LMNB1: variants seen among roughly 807,000 people sequenced by gnomAD.
LMNB1 encodes lamin-B1.
In LMNB1, 23 loss-of-function variants were observed where a neutral mutation model predicts 67.1. The ratio of observed to expected loss-of-function variants is 0.34; its 90% confidence interval spans 0.25 to 0.49. The LOEUF is 0.49. Ranked by LOEUF, LMNB1 falls within the 20% of genes least tolerant of loss-of-function variation. The pLI is 0.99. For missense variants in LMNB1, 634 were observed against 746.5 expected, an observed-to-expected ratio of 0.85 and a Z score of 1.76; for synonymous variants, 281 against 282.9, an observed-to-expected ratio of 0.99 and a Z score of 0.07.
chr5:126,814,971 C>G (rs556222541), intron 5 of LMNB1, among the ~76,000 whole-genome samples: 1 of 152,246 alleles, frequency 6.6e-6, no homozygotes, highest in East Asian at 1.9e-4. Flanking sequence ...AGATAGGAGA[C>G]GAGCAATCCC....
intron 5 of LMNB1, among the ~76,000 whole-genome samples, chr5:126,813,921 A>G (rs533496748): frequency 5.5e-4 from 83 of 152,178 alleles, no homozygotes; most frequent in African/African-American, 1.9e-3. Flanking sequence ...CTGAGACAGA[A>G]TTTCGTTCTT....
intron 10 of LMNB1, among the ~76,000 whole-genome samples, chr5:126,835,742 C>CAA (rs1369042773): frequency 1.8e-4 from 27 of 152,288 alleles, no homozygotes; most frequent in African/African-American, 6.3e-4. Flanking sequence ...CCAGAGTTGA[C>CAA]AATTACTGTT....
chr5:126,835,854 A>G (rs1213741504), intron 10 of LMNB1, among the ~76,000 whole-genome samples: 2 of 152,146 alleles, frequency 1.3e-5, no homozygotes, highest in Non-Finnish European at 2.9e-5. Flanking sequence ...TGGGAGGCCA[A>G]GGGCAGGTGG....
At chr5:126,832,039 G>A (rs1462666698) in intron 9 of LMNB1, among the ~76,000 whole-genome samples, 2 of 152,150 alleles carry the variant, frequency 1.3e-5, no homozygotes, top group Non-Finnish European at 1.5e-5. Context: ...GCTGAGGTGG[G>A]TGGATCACTT....
At chr5:126,825,028 TC>T (rs1751965180) in intron 8 of LMNB1, among the ~76,000 whole-genome samples, 1 of 152,196 alleles carries the variant, frequency 6.6e-6, no homozygotes, top group Non-Finnish European at 1.5e-5. Flanking sequence ...TCTTCAGCTT[TC>T]CTTTTGCAGT....
Position 126,822,856 on chromosome 5 carries a change from T to A in LMNB1, c.1462T>A (p.Tyr488Asn). ...TSVSYKYTSR[Y>N]VLKAGQTVTI... Reference sequence around the variant, plus strand: ...AGTCAGTTATAAATATACCTCAAGATATGTGCTGAAGGCAGGCCAGACTGT... The same window carrying A: ...AGTCAGTTATAAATATACCTCAAGAAATGTGCTGAAGGCAGGCCAGACTGT... The change falls in exon 8 of 11, where the codon TAT becomes AAT. Residue 488 changes from tyrosine to asparagine, a missense_variant. Physicochemically the swap from Tyr to Asn is moderately radical, Grantham distance 143. Coordinates refer to ENST00000261366, the MANE Select transcript of LMNB1 (RefSeq NM_005573.4). 4 of 1,609,596 alleles carry A rather than the reference T, an allele frequency of 2.5e-6. No individual in the cohort carries two copies. The highest frequency in any genetic ancestry group is 1.7e-4 in the Middle Eastern group (1 of 6,048).
At chr5:126,825,862 C>T in intron 8 of LMNB1, 126 bp from the exon 9 acceptor site, 1 of 1,279,364 alleles carries the variant, frequency 7.8e-7, no homozygotes, top group Non-Finnish European at 1.1e-6. Context: ...CTGTGTATAG[C>T]ACTCTGTAGC....
In LMNB1 at chr5:126,824,948, A is replaced by C. The variant is rs964239952; in HGVS notation, c.1492-1040A>C. ...AGTGATCTGCCCGCCTCGGCCTCCC[A>C]AAGTGCTGTGATTACAGGCTGGAGC... On this transcript the variant is annotated intron_variant, in intron 8 of 10. Coordinates refer to ENST00000261366, the MANE Select transcript of LMNB1 (RefSeq NM_005573.4). Among the ~76,000 whole-genome samples the C allele has an allele frequency of 3.4e-5, 5 of 146,446 alleles. No homozygotes were observed. The South Asian group carries it at 1.1e-3, about 32-fold the overall frequency.
chr5:126,810,042 G>T (rs1338487319), intron 3 of LMNB1, 138 bp from the exon 4 acceptor site: 27 of 648,006 alleles, frequency 4.2e-5, no homozygotes, highest in Non-Finnish European at 6.5e-5. Flanking sequence ...GCAAAAAAGT[G>T]TTTATTCACA....
chr5:126,790,395 C>T (rs1314711555), intron 1 of LMNB1, among the ~76,000 whole-genome samples: 1 of 152,106 alleles, frequency 6.6e-6, no homozygotes, highest in African/African-American at 2.4e-5. Context: ...TGTAAGCCAC[C>T]ACATCTGGTC....
At chr5:126,836,090 A>G in intron 10 of LMNB1, 133 bp from the exon 11 acceptor site, 2 of 682,414 alleles carry the variant, frequency 2.9e-6, no homozygotes, top group South Asian at 3.7e-5. Flanking sequence ...AGAAAAGATG[A>G]GAGATGATAA....
At chr5:126,805,946 A>G (rs1263672584) in intron 3 of LMNB1, among the ~76,000 whole-genome samples, 2 of 151,916 alleles carry the variant, frequency 1.3e-5, no homozygotes, top group Non-Finnish European at 1.5e-5. Context: ...CATCTTACTT[A>G]TTTTTGTTTT....
chr5:126,799,211 G>A (rs574264653), intron 1 of LMNB1, among the ~76,000 whole-genome samples: 7 of 152,046 alleles, frequency 4.6e-5, no homozygotes, highest in Non-Finnish European at 1.0e-4. Context: ...GTAGAGACGG[G>A]GTTTCACCGT....
At chr5:126,779,621 G>C (rs1361353919) in intron 1 of LMNB1, among the ~76,000 whole-genome samples, 3 of 152,108 alleles carry the variant, frequency 2.0e-5, no homozygotes, top group Non-Finnish European at 4.4e-5. Context: ...AAACAGGGCC[G>C]GGCGTGGTGG....
intron 1 of LMNB1, among the ~76,000 whole-genome samples, chr5:126,779,589 G>A (rs1750569863): frequency 6.6e-6 from 1 of 152,186 alleles, no homozygotes; most frequent in Non-Finnish European, 1.5e-5. Flanking sequence ...ATCATGATGG[G>A]TTTCATAGAT....
chr5:126,806,189 G>A (rs1321460730), intron 3 of LMNB1, among the ~76,000 whole-genome samples: 1 of 152,286 alleles, frequency 6.6e-6, no homozygotes, highest in African/African-American at 2.4e-5. Context: ...TCCTGACCTC[G>A]TGATCCGCCC....
intron 1 of LMNB1, among the ~76,000 whole-genome samples, chr5:126,787,802 C>T (rs1026471409): frequency 1.3e-5 from 2 of 151,664 alleles, no homozygotes; most frequent in African/African-American, 2.4e-5. Context: ...CCACCCACCT[C>T]GGCCTCCCAA....
chr5:126,789,614 C>G (rs1261290160), intron 1 of LMNB1, among the ~76,000 whole-genome samples: 1 of 152,192 alleles, frequency 6.6e-6, no homozygotes, highest in East Asian at 1.9e-4. Flanking sequence ...GCCATGAAAT[C>G]CTTTATTCAG....
chr5:126,813,797 C>CTA (rs1158692364), intron 5 of LMNB1, among the ~76,000 whole-genome samples: 5 of 152,162 alleles, frequency 3.3e-5, no homozygotes, highest in Non-Finnish European at 7.3e-5. Flanking sequence ...CACTCAAAGG[C>CTA]CCTACCTCTT....
Sources: allele counts gnomAD v4.1 joint callset (sites outside exome capture counted in the v4.1 genomes callset), GRCh38; gene constraint gnomAD v4.1.1; transcripts MANE v1.5; gene names NCBI Gene and HGNC (gene_info 2026-07-23, HGNC 2026-07-21).